Variants in CTNNA1 observed in about 807,000 individuals in gnomAD.
The protein encoded by CTNNA1 is catenin alpha-1.
CTNNA1 carries 37 observed loss-of-function variants against 98.4 expected under a neutral mutation model. The observed-to-expected ratio is 0.38, with a 90% CI of 0.29 to 0.49. CTNNA1 has a LOEUF of 0.49. CTNNA1 is among the 20% of genes least tolerant of loss of function. CTNNA1 has a pLI of 0.95. For missense variants in CTNNA1, 761 were observed against 1,147.2 expected (o/e 0.66, Z 4.86); for synonymous variants, 404 against 413.2 (o/e 0.98, Z 0.27).
At chr5:138,780,593 C>G (rs1418791288) in intron 1 of CTNNA1, among the ~76,000 whole-genome samples, 1 of 152,054 alleles carries the variant, frequency 6.6e-6, no homozygotes, top group Non-Finnish European at 1.5e-5. Context: ...TCTCGGCTCA[C>G]TGCAGCCTCT....
At chr5:138,774,753 C>G (rs1424158829) in intron 1 of CTNNA1, among the ~76,000 whole-genome samples, 1 of 151,824 alleles carries the variant, frequency 6.6e-6, no homozygotes, top group Non-Finnish European at 1.5e-5. Flanking sequence ...TCCTGAGTAG[C>G]TGGGACTACA....
rs1268015186 is a variant in CTNNA1 at position 138,874,773 on chromosome 5, C to A, written c.1063-11439C>A. ...AGATAAAACATGTCTCTGTCATCAT[C>A]GATATATGCTTTTACCTAAACCTCA... On this transcript the variant is annotated intron_variant, in intron 7 of 17. Coordinates refer to ENST00000302763, the MANE Select transcript of CTNNA1 (RefSeq NM_001903.5). This position sits in a 1 kb window ranked among gnomAD's most constrained non-coding sequence, Gnocchi z 4.1. 7.0e-6 allele frequency: 6 copies of A among 857,342 alleles called. No homozygotes were observed. Among genetic ancestry groups the A allele is most frequent in the Admixed American group, 2.5e-5 (1 of 39,616 alleles). 53.1% of individuals were successfully genotyped at this position (857,342 alleles called of 1,614,324 possible).
At chr5:138,834,260 G>A (rs1761559511) in intron 7 of CTNNA1, among the ~76,000 whole-genome samples, 1 of 152,160 alleles carries the variant, frequency 6.6e-6, no homozygotes. Flanking sequence ...ATTTTTTCCT[G>A]ATTATAAAAG....
chr5:138,844,793 A>C (rs1762567962), intron 7 of CTNNA1, among the ~76,000 whole-genome samples: 3 of 152,356 alleles, frequency 2.0e-5, no homozygotes, highest in African/African-American at 7.2e-5. Context: ...TAGGATATAC[A>C]AAGAAAGAAA....
chr5:138,854,842 A>C (rs1763580721), intron 7 of CTNNA1, among the ~76,000 whole-genome samples: 2 of 152,238 alleles, frequency 1.3e-5, no homozygotes, highest in Admixed American at 6.5e-5. Context: ...ACTCCACGGG[A>C]CATACACTTT....
intron 7 of CTNNA1, chr5:138,875,632 C>T (rs1751312377): frequency 4.1e-6 from 4 of 985,380 alleles, no homozygotes; most frequent in Non-Finnish European, 4.8e-6. Flanking sequence ...ATTTTTAATG[C>T]TTGTGAGAGC....
chr5:138,910,864 G>C (rs1211083710), intron 10 of CTNNA1, among the ~76,000 whole-genome samples: 3 of 152,172 alleles, frequency 2.0e-5, no homozygotes, highest in Non-Finnish European at 4.4e-5. Context: ...GGCCTTGGTC[G>C]TAGGCCTTTG....
At position 138,904,351 on chromosome 5, in the gene CTNNA1, T is replaced by C; in HGVS notation, c.1299T>C (p.Val433=). The change falls in exon 10 of 18, where the codon GTT becomes GTC. Residue 433 remains valine, a splice_region_variant and synonymous_variant. Transcript: ENST00000302763. ...AAGATTATTTTTTATGTTTATAGGT[T>C]GCCAACTTGGCCTGTTCCATCTCAA... ...FREHANKLIE[V]ANLACSISNN... 6.2e-7 allele frequency: 1 copy of C among 1,611,746 alleles called. No homozygotes were observed. The highest frequency in any genetic ancestry group is 1.1e-5 in the South Asian group (1 of 90,784).
At chr5:138,842,000 A>G (rs1378852588) in intron 7 of CTNNA1, among the ~76,000 whole-genome samples, 3 of 152,212 alleles carry the variant, frequency 2.0e-5, no homozygotes, top group Non-Finnish European at 4.4e-5. Context: ...TAGGAGTGAA[A>G]AGATTAATGT....
intron 9 of CTNNA1, among the ~76,000 whole-genome samples, chr5:138,903,190 G>T (rs764779207): frequency 6.6e-6 from 1 of 152,038 alleles, no homozygotes; most frequent in Non-Finnish European, 1.5e-5. Context: ...TTGTGTTTGG[G>T]CATTGCAGGA....
At chr5:138,933,527 G>C (rs1580940441) in intron 17 of CTNNA1, among the ~76,000 whole-genome samples, 2 of 152,206 alleles carry the variant, frequency 1.3e-5, no homozygotes, top group East Asian at 3.9e-4. Flanking sequence ...CAGTTGGTTT[G>C]AGTGAATAAA....
intron 1 of CTNNA1, among the ~76,000 whole-genome samples, chr5:138,777,727 G>T (rs944917210): frequency 2.6e-5 from 4 of 151,288 alleles, no homozygotes; most frequent in African/African-American, 9.7e-5. Flanking sequence ...GCATGGCGGT[G>T]CGCGCCTGCA....
At position 138,915,040 on chromosome 5, in the gene CTNNA1, G is replaced by A. The variant is rs536135048; in HGVS notation, c.1390-2702G>A. Among the ~76,000 whole-genome samples, 72 of 152,144 alleles carry A rather than the reference G, an allele frequency of 4.7e-4. 1 individual carries two copies. The highest frequency in any genetic ancestry group is 1.5e-3 in the African/African-American group (63 of 41,502). ...CGGGCGCCTGTAGTCCCAGTTATTC[G>A]GGAGGCTGAGGCAGAAGAATCACTT... On this transcript the variant is annotated intron_variant, in intron 10 of 17. Transcript: ENST00000302763.
intron 10 of CTNNA1, among the ~76,000 whole-genome samples, chr5:138,916,494 C>T (rs1172163220): frequency 6.6e-6 from 1 of 150,910 alleles, no homozygotes; most frequent in East Asian, 2.0e-4. Flanking sequence ...TCCCAAAGTG[C>T]TGGGATTACG....
chr5:138,934,691 ATAAAG>A lies in CTNNA1; in HGVS notation c.*604_*608del, dbSNP rs1766169496. On this transcript the variant is annotated 3_prime_UTR_variant, in exon 18 of 18. Coordinates refer to ENST00000302763, the MANE Select transcript of CTNNA1 (RefSeq NM_001903.5). The stretch of plus-strand genomic sequence containing the variant: ...TAATGTACGCTGCTGCAGGACATTA[ATAAAG>A]TTGCTTTTTTAGGCTACAGTGTCTC... 6.5e-6 allele frequency: 1 copy of A among 152,768 alleles called. No individual in the cohort carries two copies. Among genetic ancestry groups the A allele is most frequent in the Non-Finnish European group, 1.5e-5 (1 of 68,122 alleles). 9.5% of individuals were successfully genotyped at this position (152,768 alleles called of 1,614,324 possible).
At chr5:138,871,280 A>G (rs1171191475) in intron 7 of CTNNA1, 1 of 152,242 alleles carries the variant, frequency 6.6e-6, no homozygotes, top group Non-Finnish European at 1.5e-5. Flanking sequence ...TTCTACATAC[A>G]GTAAATGGCA....
chr5:138,809,119 A>C (rs139633367), intron 3 of CTNNA1, among the ~76,000 whole-genome samples: 1,772 of 152,278 alleles, frequency 0.012, 29 homozygotes, highest in African/African-American at 0.041. Context: ...CAAAGCGCCG[A>C]GATTGCTGGT....
chr5:138,898,328 A>G (rs759087182), intron 9 of CTNNA1, among the ~76,000 whole-genome samples: 34 of 152,154 alleles, frequency 2.2e-4, no homozygotes, highest in Admixed American at 4.6e-4. Context: ...TTTTCTTATA[A>G]ATTACCCAAT....
chr5:138,797,873 CAAAA>C (rs1162538791), intron 3 of CTNNA1, among the ~76,000 whole-genome samples: 4 of 128,648 alleles, frequency 3.1e-5, no homozygotes, highest in African/African-American at 1.1e-4. Flanking sequence ...CAAAACAAAA[CAAAA>C]AAACTGCTAA....
Sources: allele counts gnomAD v4.1 joint callset (sites outside exome capture counted in the v4.1 genomes callset), GRCh38; gene constraint gnomAD v4.1.1; non-coding constraint Gnocchi (gnomAD v3.1); transcripts MANE v1.5; gene names NCBI Gene and HGNC (gene_info 2026-07-23, HGNC 2026-07-21).